RERE: variants seen among roughly 807,000 people sequenced by gnomAD.
RERE encodes the protein arginine-glutamic acid dipeptide repeats protein.
A neutral mutation model predicts 146.1 loss-of-function variants in RERE; 40 were observed. That is an observed-to-expected ratio of 0.27 (90% CI 0.21 to 0.36). RERE has a LOEUF of 0.36. Ranked by LOEUF, RERE falls within the 10% of genes least tolerant of loss-of-function variation. The pLI, the probability that RERE is intolerant of heterozygous loss-of-function variation, is 1.00. For synonymous variants in RERE, 1,003 were observed against 866.0 expected (o/e 1.16, Z -2.78); for missense variants, 1,933 against 2,138.7 (o/e 0.90, Z 1.90).
intron 11 of RERE, among the ~76,000 whole-genome samples, chr1:8,449,068 G>C (rs1644360343): frequency 6.6e-6 from 1 of 152,178 alleles, no homozygotes. Flanking sequence ...TCCCAGGCTG[G>C]TGGAAGATCA....
chr1:8,670,787 TCA>T (rs1638694747), intron 1 of RERE, among the ~76,000 whole-genome samples: 1 of 152,074 alleles, frequency 6.6e-6, no homozygotes, highest in Non-Finnish European at 1.5e-5. Flanking sequence ...GAGAGATAGC[TCA>T]GTACTTACTC....
intron 1 of RERE, among the ~76,000 whole-genome samples, chr1:8,809,667 A>T (rs1641756049): frequency 6.6e-6 from 1 of 152,250 alleles, no homozygotes; most frequent in Admixed American, 6.5e-5. Flanking sequence ...TATACAAAAT[A>T]ATAATTCATT....
At chr1:8,625,486 T>C (rs1385696607) in intron 2 of RERE, among the ~76,000 whole-genome samples, 2 of 152,196 alleles carry the variant, frequency 1.3e-5, no homozygotes, top group Non-Finnish European at 1.5e-5. Flanking sequence ...TCATTCATTT[T>C]GCATAGACAG....
intron 1 of RERE, among the ~76,000 whole-genome samples, chr1:8,693,945 T>C (rs1023381915): frequency 3.3e-5 from 5 of 149,788 alleles, no homozygotes; most frequent in Non-Finnish European, 7.4e-5. Context: ...TGTTTTAATC[T>C]ACCATATAAA....
In RERE at chr1:8,358,442, C is replaced by T. The variant is rs779395212; in HGVS notation, c.4093G>A (p.Ala1365Thr). ...GGGTTCAGGCCCGGGTGGAAAGAAG[C>T]AAAAGGGTGGGGCCCGGCGGTCGGG... ...IPPTAGPHPF[A>T]SFHPGLNPLE... The change falls in exon 20 of 23, where the codon GCT (alanine) becomes ACT (threonine). Residue 1365 changes from alanine to threonine, a missense_variant. By Grantham distance (58) the Ala-to-Thr change is moderately conservative. This residue lies in a region of RERE where 1,255 missense variants were observed against 1,153.8 expected (regional missense o/e 1.09). Transcript: ENST00000400908. 6.3e-7 allele frequency: 1 copy of T among 1,591,306 alleles called. No individual in the cohort carries two copies. Among genetic ancestry groups the T allele is most frequent in the South Asian group, 1.1e-5 (1 of 90,072 alleles).
chr1:8,451,827 T>G (rs1644394594), intron 11 of RERE, among the ~76,000 whole-genome samples: 1 of 152,168 alleles, frequency 6.6e-6, no homozygotes, highest in Admixed American at 6.5e-5. Flanking sequence ...CAGCCAAGTT[T>G]ACAAGACGTC....
At chr1:8,691,659 T>C (rs542863787) in intron 1 of RERE, among the ~76,000 whole-genome samples, 3 of 152,144 alleles carry the variant, frequency 2.0e-5, no homozygotes, top group Non-Finnish European at 4.4e-5. Flanking sequence ...ATTACACCAA[T>C]ACTCAAAGAA....
At chr1:8,609,204 C>A (rs533810411) in intron 4 of RERE, among the ~76,000 whole-genome samples, 100 of 148,362 alleles carry the variant, frequency 6.7e-4, no homozygotes, top group African/African-American at 2.3e-3. Context: ...GGCAAAAGAG[C>A]AAGACCCTGT....
chr1:8,444,685 T>C (rs982526390), intron 11 of RERE, among the ~76,000 whole-genome samples: 7 of 152,186 alleles, frequency 4.6e-5, no homozygotes, highest in Admixed American at 1.3e-4. Flanking sequence ...TTAAGCACCA[T>C]CCTCTGGGTG....
intron 1 of RERE, among the ~76,000 whole-genome samples, chr1:8,779,833 C>T (rs987692332): frequency 6.6e-6 from 1 of 152,102 alleles, no homozygotes; most frequent in African/African-American, 2.4e-5. Flanking sequence ...ATACATTATG[C>T]ATTCATTACA....
At chr1:8,674,374 A>G (rs1428892628) in intron 1 of RERE, among the ~76,000 whole-genome samples, 1 of 152,176 alleles carries the variant, frequency 6.6e-6, no homozygotes, top group Non-Finnish European at 1.5e-5. Context: ...AAAAACAGCT[A>G]CGTCTTCAGA....
At chr1:8,498,921 T>C (rs1645090125) in intron 8 of RERE, among the ~76,000 whole-genome samples, 1 of 152,008 alleles carries the variant, frequency 6.6e-6, no homozygotes, top group South Asian at 2.1e-4. Flanking sequence ...TTGAAAAGCA[T>C]ACATAAGATA....
chr1:8,413,643 C>T (rs1309648051), intron 12 of RERE, among the ~76,000 whole-genome samples: 1 of 152,132 alleles, frequency 6.6e-6, no homozygotes, highest in African/African-American at 2.4e-5. Context: ...TGTACCTGCC[C>T]AATCTTAATT....
intron 4 of RERE, among the ~76,000 whole-genome samples, chr1:8,570,872 A>G (rs1016910791): frequency 1.3e-5 from 2 of 152,246 alleles, no homozygotes; most frequent in Non-Finnish European, 2.9e-5. Flanking sequence ...ATACTATTAA[A>G]AAAGATTTCA....
At chr1:8,383,266 T>C (rs747440185) in intron 12 of RERE, among the ~76,000 whole-genome samples, 1 of 151,510 alleles carries the variant, frequency 6.6e-6, no homozygotes, top group Non-Finnish European at 1.5e-5. Context: ...TGAGGCCACC[T>C]AAGAAGCCTG....
chr1:8,600,366 C>T (rs111421221), intron 4 of RERE, among the ~76,000 whole-genome samples: 1 of 152,208 alleles, frequency 6.6e-6, no homozygotes. Context: ...CATTTGCCAG[C>T]TGTTTTTCTT....
chr1:8,378,428 C>G (rs1022859760), intron 12 of RERE, among the ~76,000 whole-genome samples: 3 of 152,192 alleles, frequency 2.0e-5, no homozygotes, highest in African/African-American at 7.2e-5. Context: ...CAAATTCCTA[C>G]GTTGAAGCTC....
rs953491520 is a variant in RERE at position 8,356,685 on chromosome 1, A to T, written c.4340-439T>A. Among the ~76,000 whole-genome samples the T allele has an allele frequency of 5.9e-5, 9 of 152,244 alleles. No homozygotes were observed. In the East Asian group the frequency reaches 9.7e-4, roughly 16 times the overall value. On this transcript the variant is annotated intron_variant, in intron 20 of 22. Transcript: ENST00000400908. This position sits in a 1 kb window ranked among gnomAD's most constrained non-coding sequence, Gnocchi z 5.2. ...GCTCTTCACTCGCAGAACCTAAAGG[A>T]GGCCAGCAGAGTGGGTGGCGCAGAA...
In RERE at chr1:8,605,765, AAAAAAACCCCT is replaced by A. The variant is rs1489873761; in HGVS notation, c.522+8785_522+8795del. On this transcript the variant is annotated intron_variant, in intron 4 of 22. Coordinates refer to ENST00000400908, the MANE Select transcript of RERE (RefSeq NM_001042681.2). Reference sequence around the variant, plus strand: ...ATCTCCAAAAAAAAAAAAAAAAAAAAAAAAAACCCCTAAAAAAAGTGATAATAGATTATCTC... The same window carrying A: ...ATCTCCAAAAAAAAAAAAAAAAAAAAAAAAAAAGTGATAATAGATTATCTC... 2.1e-4 allele frequency among the ~76,000 whole-genome samples: 27 copies of A among 127,790 alleles called. 1 individual carries two copies. The East Asian group carries it at 5.4e-3, about 26-fold the overall frequency. The allele number at this position is 127,790 out of a possible 152,430, so 83.8% of individuals were successfully genotyped here. A position where few individuals can be genotyped will look rare whatever the true frequency, so the allele number is the denominator to read the frequency against.
Sources: allele counts gnomAD v4.1 joint callset (sites outside exome capture counted in the v4.1 genomes callset), GRCh38; gene constraint gnomAD v4.1.1; regional missense constraint gnomAD v4.1.1; non-coding constraint Gnocchi (gnomAD v3.1); transcripts MANE v1.5; gene names NCBI Gene and HGNC (gene_info 2026-07-23, HGNC 2026-07-21).